Variants in STK24 observed in about 807,000 individuals in gnomAD.
STK24 encodes the protein serine/threonine kinase 24.
A neutral mutation model predicts 55.6 loss-of-function variants in STK24; 21 were observed. That is an observed-to-expected ratio of 0.38 (90% CI 0.27 to 0.54). The LOEUF (loss-of-function observed/expected upper bound fraction) is 0.54, where lower values mean the gene tolerates loss of function less well. Among genes scored for constraint, STK24 ranks in the 20% least tolerant of loss-of-function variants. The pLI is 0.79. For missense variants in STK24, 383 were observed against 538.4 expected (o/e 0.71, Z 2.86); for synonymous variants, 200 against 215.2 (o/e 0.93, Z 0.62).
At chr13:98,493,906 G>T (rs1027815154) in intron 2 of STK24, among the ~76,000 whole-genome samples, 1 of 149,410 alleles carries the variant, frequency 6.7e-6, no homozygotes, top group Admixed American at 6.6e-5. Context: ...GCAGTGGTGC[G>T]ATCTTGGCTC....
intron 2 of STK24, among the ~76,000 whole-genome samples, chr13:98,493,873 T>C (rs1364190921): frequency 1.3e-5 from 2 of 148,512 alleles, no homozygotes; most frequent in Non-Finnish European, 3.0e-5. Context: ...AGTCTCACTG[T>C]GTTGCCCAGG....
chr13:98,446,721 C>CTGAG lies in STK24; in HGVS notation c.*6448_*6451dup, dbSNP rs1175880249. ...CTCGGCTACTCGCTCACCATCCCCT[C>CTGAG]TGAGTCCGAGAACATCCAGAAAGAC... On this transcript the variant is annotated 3_prime_UTR_variant, in exon 11 of 11. Transcript: ENST00000539966. The CTGAG allele has an allele frequency of 6.2e-7, 1 of 1,614,096 alleles. No individual in the cohort carries two copies. The highest frequency in any genetic ancestry group is 8.5e-7 in the Non-Finnish European group (1 of 1,180,034).
intron 2 of STK24, among the ~76,000 whole-genome samples, chr13:98,495,138 C>A (rs1274036650): frequency 6.6e-6 from 1 of 152,246 alleles, no homozygotes; most frequent in African/African-American, 2.4e-5. Flanking sequence ...TCCCGCAGCC[C>A]ACTTTCCTTA....
chr13:98,485,256 C>A (rs189481048), intron 2 of STK24, among the ~76,000 whole-genome samples: 1 of 152,084 alleles, frequency 6.6e-6, no homozygotes, highest in Non-Finnish European at 1.5e-5. Context: ...TCAGTCTCTC[C>A]GAGCATTCGG....
chr13:98,446,215 T>C lies in STK24; in HGVS notation c.*6958A>G. On this transcript the variant is annotated 3_prime_UTR_variant, in exon 11 of 11. Transcript: ENST00000539966. The stretch of plus-strand genomic sequence containing the variant: ...CTACAAATCACACCAGGTAAGTGTC[T>C]CGCACAGGGCAGGTGGCCCTGGGAC... 6.3e-7 allele frequency: 1 copy of C among 1,594,020 alleles called. No homozygotes were observed. The highest frequency in any genetic ancestry group is 1.1e-5 in the South Asian group (1 of 90,434).
intron 1 of STK24, among the ~76,000 whole-genome samples, chr13:98,548,069 G>A (rs181289227): frequency 1.2e-4 from 18 of 152,260 alleles, no homozygotes; most frequent in African/African-American, 4.3e-4. Context: ...AGAGAAGAAC[G>A]TGGAGTCTAC....
chr13:98,461,707 C>T, intron 8 of STK24, 67 bp downstream of exon 8: 2 of 1,590,064 alleles, frequency 1.3e-6, no homozygotes, highest in South Asian at 1.1e-5. Context: ...GCAAGCTTCA[C>T]ACACAAGTGC....
chr13:98,562,776 C>A (rs1419997896), intron 1 of STK24, among the ~76,000 whole-genome samples: 1 of 151,746 alleles, frequency 6.6e-6, no homozygotes. Flanking sequence ...ATTAGCCGGA[C>A]GTGGTGGCGG....
rs35925473 is a variant in STK24, at chr13:98,551,285, C to CAAA, written c.42+25457_42+25459dup. The stretch of plus-strand genomic sequence containing the variant: ...TGGGCGACAGAGTGAGACTCTGTCT[C>CAAA]AAAAAAAAAAAAAAATCAAGACTTA... On this transcript the variant is annotated intron_variant, in intron 1 of 10. Coordinates refer to ENST00000539966, the MANE Select transcript of STK24 (RefSeq NM_001032296.4). Among the ~76,000 whole-genome samples, 439 of 119,786 alleles carry CAAA rather than the reference C, an allele frequency of 3.7e-3. 2 individuals are homozygous for CAAA. Among genetic ancestry groups the CAAA allele is most frequent in the African/African-American group, 0.011 (385 of 33,864 alleles). The allele number at this position is 119,786 out of a possible 152,430, so 78.6% of individuals were successfully genotyped here.
rs369235636 is a variant in STK24 at position 98,468,917 on chromosome 13, T to C, written c.598-2356A>G. On this transcript the variant is annotated intron_variant, in intron 5 of 10. Transcript: ENST00000539966. ...GGTCACCCTATTGTGCTACTGAACA[T>C]GATCTCTGACGGATGCACCTCCAGA... Among the ~76,000 whole-genome samples, 32 of 152,346 alleles carry C rather than the reference T, an allele frequency of 2.1e-4. No individual in the cohort carries two copies. The South Asian group carries it at 6.2e-3, about 30-fold the overall frequency.
At chr13:98,508,811 G>T (rs1346429989) in intron 2 of STK24, 2 of 152,188 alleles carry the variant, frequency 1.3e-5, no homozygotes, top group African/African-American at 4.8e-5. Flanking sequence ...TTATTCCCAT[G>T]AAGCTCCCAC....
At chr13:98,536,090 G>A (rs563060885) in intron 1 of STK24, among the ~76,000 whole-genome samples, 10 of 152,292 alleles carry the variant, frequency 6.6e-5, no homozygotes, top group African/African-American at 1.9e-4. Flanking sequence ...ATGGAGGTGC[G>A]AAGGTCATAG....
At chr13:98,534,415 T>C (rs1411972600) in intron 1 of STK24, among the ~76,000 whole-genome samples, 1 of 152,194 alleles carries the variant, frequency 6.6e-6, no homozygotes. Flanking sequence ...GAACTTAGTT[T>C]ATAGTTTAAC....
At chr13:98,531,481 G>A (rs1370130007) in intron 1 of STK24, among the ~76,000 whole-genome samples, 1 of 152,140 alleles carries the variant, frequency 6.6e-6, no homozygotes, top group African/African-American at 2.4e-5. Context: ...AGCGCCCAGG[G>A]CATTTCCACT....
In STK24 at chr13:98,527,127, C is replaced by G. The variant is rs115915685; in HGVS notation, c.43-7654G>C. ...GTAGATGTGGGCCTATCACTCTTCA[C>G]AGGGAATGGCCAGCCACTGAGAATA... On this transcript the variant is annotated intron_variant, in intron 1 of 10. Coordinates refer to ENST00000539966, the MANE Select transcript of STK24 (RefSeq NM_001032296.4). Among the ~76,000 whole-genome samples the G allele has an allele frequency of 8.6e-3, 1,298 of 151,176 alleles. 25 individuals carry two copies. Among genetic ancestry groups the G allele is most frequent in the African/African-American group, 0.029 (1,196 of 41,066 alleles).
At chr13:98,461,043 CAA>C (rs371783720) in intron 8 of STK24, among the ~76,000 whole-genome samples, 1 of 120,172 alleles carries the variant, frequency 8.3e-6, no homozygotes, top group Non-Finnish European at 1.8e-5. Context: ...GACCCCGTCT[CAA>C]AAAAAAAAAA....
intron 1 of STK24, among the ~76,000 whole-genome samples, chr13:98,540,329 CTGAAA>C (rs1896854228): frequency 6.6e-6 from 1 of 152,114 alleles, no homozygotes; most frequent in South Asian, 2.1e-4. Context: ...CATTTTACAC[CTGAAA>C]TGAATTTTAT....
intron 2 of STK24, among the ~76,000 whole-genome samples, chr13:98,509,732 A>G (rs1192861593): frequency 6.6e-6 from 1 of 152,160 alleles, no homozygotes; most frequent in Admixed American, 6.5e-5. Context: ...TGAGCTCCCC[A>G]TGTTCCATCT....
intron 2 of STK24, among the ~76,000 whole-genome samples, chr13:98,515,749 T>A (rs894935008): frequency 6.6e-6 from 1 of 152,210 alleles, no homozygotes; most frequent in African/African-American, 2.4e-5. Context: ...AAAACATAAT[T>A]ATGAGACCTG....
Sources: gnomAD v4.1 joint callset for allele counts (sites outside exome capture counted in the v4.1 genomes callset) on GRCh38, gnomAD v4.1.1 for gene constraint, MANE v1.5 for transcripts, NCBI Gene and HGNC (gene_info 2026-07-23, HGNC 2026-07-21) for gene names.